STK3: variants seen among roughly 807,000 people sequenced by gnomAD.
STK3 encodes the protein serine/threonine kinase 3.
Under a neutral mutation model 58.0 loss-of-function variants are expected in STK3, and 41 were observed. The ratio of observed to expected loss-of-function variants is 0.71; its 90% CI spans 0.55 to 0.92. STK3 has a LOEUF of 0.92. Among genes scored for constraint, STK3 ranks in the 40% least tolerant of loss-of-function variants. The probability of loss-of-function intolerance (pLI) is 0.00; values close to 1 mark genes in which losing one functional copy is unlikely to be tolerated. For missense variants in STK3, 479 were observed against 602.7 expected (o/e 0.79, Z 2.15); for synonymous variants, 170 against 191.0 (o/e 0.89, Z 0.91).
the STK3 span, among the ~76,000 whole-genome samples, chr8:98,355,466 C>T: frequency 6.6e-6 from 1 of 152,200 alleles, no homozygotes; most frequent in Non-Finnish European, 1.5e-5. Flanking sequence ...AAGTACATTC[C>T]TCTGATCCAA....
At chr8:98,701,166 C>A (rs959815174) in intron 6 of STK3, among the ~76,000 whole-genome samples, 1 of 141,820 alleles carries the variant, frequency 7.1e-6, no homozygotes, top group African/African-American at 2.6e-5. Flanking sequence ...ACAGTGAGAC[C>A]CTGTCACATG....
intron 10 of STK3, among the ~76,000 whole-genome samples, chr8:98,458,692 T>C (rs1819699000): frequency 6.6e-6 from 1 of 152,106 alleles, no homozygotes; most frequent in Admixed American, 6.5e-5. Context: ...TCCATGCTGT[T>C]CTAGTGATAG....
In STK3 at chr8:98,383,871, T is replaced by C. The variant is rs977834859; in HGVS notation, n.56+4321A>G. 2.0e-5 allele frequency among the ~76,000 whole-genome samples: 3 copies of C among 152,274 alleles called. 1 individual carries two copies. The highest frequency in any genetic ancestry group is 2.0e-4 in the Admixed American group (3 of 15,290). On this transcript the variant is annotated intron_variant and non_coding_transcript_variant, in intron 1 of 2. Transcript: ENST00000518704. ...TACAATTTTGAATGATCAGTGCAGATGTTGCCTTCCAGGGCAACAGATGGT... is the reference window on the plus strand; with the variant it reads ...TACAATTTTGAATGATCAGTGCAGACGTTGCCTTCCAGGGCAACAGATGGT...
At chr8:98,427,965 G>C in intron 3 of STK3, 1 of 1,488,874 alleles carries the variant, frequency 6.7e-7, no homozygotes, top group Non-Finnish European at 9.0e-7. Flanking sequence ...GGCGCGGGCG[G>C]CCGGCGCCTC....
At chr8:98,929,423 C>T (rs1587861392) in intron 1 of STK3, among the ~76,000 whole-genome samples, 1 of 152,170 alleles carries the variant, frequency 6.6e-6, no homozygotes, top group East Asian at 1.9e-4. Flanking sequence ...TTTGGGAGGC[C>T]AAGGCAGAGG....
intron 10 of STK3, among the ~76,000 whole-genome samples, chr8:98,485,310 G>A (rs992444769): frequency 7.9e-5 from 12 of 152,116 alleles, no homozygotes; most frequent in African/African-American, 1.2e-4. Context: ...ACATACAAGT[G>A]GTCAATTTGA....
At chr8:98,427,730 G>A (rs1407973430) in intron 3 of STK3, 2 of 368,854 alleles carry the variant, frequency 5.4e-6, no homozygotes, top group East Asian at 8.0e-5. Flanking sequence ...CGCCCACCGA[G>A]ACCCCTGGGG....
chr8:98,818,768 C>T (rs1480905544), intron 1 of STK3, among the ~76,000 whole-genome samples: 1 of 152,086 alleles, frequency 6.6e-6, no homozygotes, highest in Non-Finnish European at 1.5e-5. Flanking sequence ...GATGTACTTT[C>T]AGAAATTCAA....
chr8:98,882,579 G>A (rs1389851156), downstream of STK3: 1 of 152,196 alleles, frequency 6.6e-6, no homozygotes, highest in Non-Finnish European at 1.5e-5. Context: ...ACAATGCCCA[G>A]CTAGTTTTTG....
chr8:98,656,326 G>C (rs1020400007), intron 6 of STK3, among the ~76,000 whole-genome samples: 1 of 151,962 alleles, frequency 6.6e-6, no homozygotes, highest in Non-Finnish European at 1.5e-5. Context: ...CACACTCTGG[G>C]GACTGTTGTG....
intron 1 of STK3, among the ~76,000 whole-genome samples, chr8:98,795,106 ATAT>A (rs1564008644): frequency 0.03 from 1,310 of 43,414 alleles, 119 homozygotes; most frequent in East Asian, 0.034. Flanking sequence ...AAAAAAAAAT[ATAT>A]ATATATATAT....
At chr8:98,722,176 T>C (rs1270519105) in intron 4 of STK3, among the ~76,000 whole-genome samples, 1 of 152,054 alleles carries the variant, frequency 6.6e-6, no homozygotes, top group African/African-American at 2.4e-5. Context: ...AGAATAGAAA[T>C]ATAACAATTA....
intron 3 of STK3, among the ~76,000 whole-genome samples, chr8:98,406,676 T>A (rs2131033905): frequency 6.6e-6 from 1 of 152,334 alleles, no homozygotes; most frequent in East Asian, 1.9e-4. Flanking sequence ...AAGTGTCTGA[T>A]ACATTGATTC....
chr8:98,364,971 ATT>A, the STK3 span, among the ~76,000 whole-genome samples: 129,238 of 152,070 alleles, frequency 0.85, 55,578 homozygotes, highest in African/African-American at 0.97. Flanking sequence ...CTGGACCACA[ATT>A]TTACACTGTT....
intron 1 of STK3, among the ~76,000 whole-genome samples, chr8:98,804,146 T>G (rs1833761434): frequency 6.6e-6 from 1 of 151,882 alleles, no homozygotes; most frequent in African/African-American, 2.4e-5. Context: ...GGATTACAGG[T>G]GTACACCACC....
At chr8:98,669,654 CA>C (rs1052114593) in intron 6 of STK3, among the ~76,000 whole-genome samples, 2 of 151,712 alleles carry the variant, frequency 1.3e-5, no homozygotes, top group Admixed American at 6.6e-5. Context: ...GGAAGTATCC[CA>C]AAAAAAATCA....
intron 6 of STK3, among the ~76,000 whole-genome samples, chr8:98,658,988 T>C (rs1259081688): frequency 2.0e-5 from 3 of 152,110 alleles, no homozygotes; most frequent in Non-Finnish European, 1.5e-5. Context: ...ACTTATTGTG[T>C]TACAATTGCC....
chr8:98,401,694 C>G (rs1817945718), intron 3 of STK3, among the ~76,000 whole-genome samples: 1 of 152,156 alleles, frequency 6.6e-6, no homozygotes, highest in Admixed American at 6.5e-5. Context: ...TGTTGCCGAC[C>G]ACATGGGATT....
At chr8:98,766,454 A>C (rs1365953989) in intron 3 of STK3, among the ~76,000 whole-genome samples, 1 of 152,196 alleles carries the variant, frequency 6.6e-6, no homozygotes, top group Non-Finnish European at 1.5e-5. Flanking sequence ...TTGTCCTAAA[A>C]AAGTCCAGGC....
Sources: gnomAD v4.1 joint callset for allele counts (sites outside exome capture counted in the v4.1 genomes callset) on GRCh38, gnomAD v4.1.1 for gene constraint, MANE v1.5 for transcripts, NCBI Gene and HGNC (gene_info 2026-07-23, HGNC 2026-07-21) for gene names.